The following SLC45A2 variants were observed in gnomAD, a reference collection of about 807,000 sequenced individuals.
SLC45A2 encodes membrane-associated transporter protein.
In SLC45A2, 36 loss-of-function variants were observed where a neutral mutation model predicts 45.5. The ratio of observed to expected loss-of-function variants is 0.79; its 90% CI spans 0.61 to 1.04. SLC45A2 has a LOEUF of 1.04. SLC45A2 is among the 50% of genes least tolerant of loss of function. SLC45A2 has a pLI of 0.00. For missense variants in SLC45A2, 719 were observed against 671.0 expected (o/e 1.07, Z -0.79); for synonymous variants, 306 against 269.3 (o/e 1.14, Z -1.33).
In SLC45A2 at chr5:33,944,649, T is replaced by G; in HGVS notation, c.1592A>C (p.Ter531SerextTer?). 2 of 1,614,014 alleles carry G rather than the reference T, an allele frequency of 1.2e-6. No individual in the cohort carries two copies. Among genetic ancestry groups the G allele is most frequent in the Non-Finnish European group, 1.7e-6 (2 of 1,179,880 alleles). The change falls in exon 7 of 7, where the codon TAG becomes TCG. Residue 531 changes from the stop codon to serine, a stop_lost. Coordinates refer to ENST00000296589, the MANE Select transcript of SLC45A2 (RefSeq NM_016180.5). Reference sequence around the variant, plus strand: ...TAGGGTCATTGTCTCTTTATTGACCTAATCCACATATCTAACAAAGAGAGC... The same window carrying G: ...TAGGGTCATTGTCTCTTTATTGACCGAATCCACATATCTAACAAAGAGAGC... ...FVALFVRYVD[*>S]
chr5:33,965,832 G>A (rs1441789311), intron 2 of SLC45A2, among the ~76,000 whole-genome samples: 2 of 152,152 alleles, frequency 1.3e-5, no homozygotes, highest in East Asian at 1.9e-4. Context: ...AACCCATTAC[G>A]ACAACCAAAA....
At chr5:33,981,166 C>T (rs1753061243) in intron 2 of SLC45A2, among the ~76,000 whole-genome samples, 1 of 152,208 alleles carries the variant, frequency 6.6e-6, no homozygotes, top group Admixed American at 6.5e-5. Context: ...GGGCCAGTGA[C>T]AGACGGGGCT....
At chr5:33,968,562 A>G (rs1453868203) in intron 2 of SLC45A2, among the ~76,000 whole-genome samples, 2 of 152,258 alleles carry the variant, frequency 1.3e-5, no homozygotes, top group African/African-American at 4.8e-5. Context: ...GTCATATTTC[A>G]TAACTAATGA....
At chr5:33,983,401 G>C (rs1469990196) in intron 1 of SLC45A2, among the ~76,000 whole-genome samples, 2 of 152,194 alleles carry the variant, frequency 1.3e-5, no homozygotes, top group Non-Finnish European at 2.9e-5. Flanking sequence ...CTGTCCTTCA[G>C]TAATCCTCCT....
intron 2 of SLC45A2, chr5:33,970,968 T>G (rs1337550378): frequency 2.1e-6 from 1 of 481,250 alleles, no homozygotes; most frequent in African/African-American, 2.0e-5. Flanking sequence ...TTCAAAGAAT[T>G]TACCAAACCG....
At chr5:33,964,061 G>C in intron 2 of SLC45A2, 45 bp from the exon 3 acceptor site, 1 of 1,592,178 alleles carries the variant, frequency 6.3e-7, no homozygotes, top group Non-Finnish European at 8.6e-7. Context: ...GCAAATTATC[G>C]TTCATTTTCC....
chr5:33,949,384 G>T (rs1360860313), intron 5 of SLC45A2, among the ~76,000 whole-genome samples: 1 of 152,152 alleles, frequency 6.6e-6, no homozygotes, highest in Admixed American at 6.5e-5. Context: ...ATTTAAGCTG[G>T]GTCTAAAAAT....
rs867742805 is a variant in SLC45A2, at chr5:33,944,691, A to G, written c.1550T>C (p.Ile517Thr). ...AAAGAGAGCGACAAAGCAACAGCCT[A>G]TCAGTGCCACCGCAGACGCTGTGAT... is the stretch of plus-strand genomic sequence containing the variant. Reference protein sequence around the residue: ...VVITASAVALIGCCFVALFVR... With the variant: ...VVITASAVALTGCCFVALFVR... The change falls in exon 7 of 7, where the codon ATA becomes ACA. Residue 517 changes from isoleucine to threonine, a missense_variant. Ile to Thr is a moderately conservative substitution (Grantham distance 89). Transcript: ENST00000296589. The G allele has an allele frequency of 1.6e-5, 26 of 1,614,124 alleles. No individual in the cohort carries two copies. The highest frequency in any genetic ancestry group is 1.8e-5 in the Non-Finnish European group (21 of 1,180,050).
At chr5:33,958,570 G>A (rs1579543088) in intron 3 of SLC45A2, among the ~76,000 whole-genome samples, 1 of 152,152 alleles carries the variant, frequency 6.6e-6, no homozygotes, top group South Asian at 2.1e-4. Context: ...TGACAAGTGT[G>A]CAGCGGCATG....
chr5:33,969,065 C>CTCTCTCTGTG, intron 2 of SLC45A2, among the ~76,000 whole-genome samples: 68 of 102,462 alleles, frequency 6.6e-4, no homozygotes, highest in Middle Eastern at 4.9e-3. Context: ...CTCTCTCTCT[C>CTCTCTCTGTG]TGTGTGTGTG....
At chr5:33,949,101 A>G (rs1479889084) in intron 5 of SLC45A2, among the ~76,000 whole-genome samples, 1 of 152,218 alleles carries the variant, frequency 6.6e-6, no homozygotes, top group Non-Finnish European at 1.5e-5. Context: ...CTTAGTACTC[A>G]GTGTTGTTGT....
At position 33,954,437 on chromosome 5, in the gene SLC45A2, T is replaced by C; in HGVS notation, c.956A>G (p.Tyr319Cys). The change falls in exon 4 of 7, where the codon TAC (tyrosine) becomes TGC (cysteine). Residue 319 changes from tyrosine to cysteine, a missense_variant. By Grantham distance (194) the Tyr-to-Cys change is radical (BLOSUM62 -2). Transcript: ENST00000296589. The stretch of plus-strand genomic sequence containing the variant: ...TCCAATGAGGTGGCTGATGCAAAGG[T>C]AGCGGTAGTGAGGAGGCATGTTCAC... Reference protein sequence around the residue: ...ALVNMPPHYRYLCISHLIGWT... With the variant: ...ALVNMPPHYRCLCISHLIGWT... The C allele has an allele frequency of 6.2e-7, 1 of 1,614,034 alleles. No homozygotes were observed. Among genetic ancestry groups the C allele is most frequent in the Non-Finnish European group, 8.5e-7 (1 of 1,179,972 alleles).
chr5:33,964,120 G>GC (rs1325044296), intron 2 of SLC45A2, 104 bp from the exon 3 acceptor site: 2 of 1,132,692 alleles, frequency 1.8e-6, no homozygotes, highest in African/African-American at 3.1e-5. Flanking sequence ...GAAGACAGCA[G>GC]AGGCAACCTG....
chr5:33,968,646 A>G (rs1203734623), intron 2 of SLC45A2, among the ~76,000 whole-genome samples: 4 of 142,714 alleles, frequency 2.8e-5, no homozygotes, highest in African/African-American at 5.3e-5. Flanking sequence ...TCTTTAGTCC[A>G]CAACTATGAC....
chr5:33,970,182 C>G (rs1268490580), intron 2 of SLC45A2, among the ~76,000 whole-genome samples: 4 of 152,182 alleles, frequency 2.6e-5, no homozygotes, highest in Non-Finnish European at 5.9e-5. Context: ...GCTGCAGTGA[C>G]CAAATCTAAG....
intron 4 of SLC45A2, among the ~76,000 whole-genome samples, chr5:33,952,228 A>T (rs2111918108): frequency 6.6e-6 from 1 of 152,250 alleles, no homozygotes; most frequent in Non-Finnish European, 1.5e-5. Flanking sequence ...CTGGCCTCAA[A>T]TGATTGCTCC....
intron 2 of SLC45A2, among the ~76,000 whole-genome samples, chr5:33,969,589 G>A (rs3756464): frequency 0.55 from 83,717 of 152,072 alleles, 25,815 homozygotes; most frequent in East Asian, 0.83. Flanking sequence ...TCAGAGTTCC[G>A]AAAGCCCTTA....
At chr5:33,945,058 T>G (rs955918079) in intron 6 of SLC45A2, among the ~76,000 whole-genome samples, 186 bp from the exon 7 acceptor site, 1 of 152,206 alleles carries the variant, frequency 6.6e-6, no homozygotes, top group African/African-American at 2.4e-5. Flanking sequence ...TGGAGCTGAG[T>G]TGGCTTTCCA....
rs2111901377 is a variant in SLC45A2, at chr5:33,947,244, G to A, written c.1287C>T (p.Ser429=). ...GGGTGCTGGACATTACACCAAACAG[G>A]CTGCACAGGACCAGGGTGGAGTAGA... The part of the protein sequence containing the change: ...PNVYSTLVLC[S]LFGVMSSTLY... Residue 429 remains serine (S), a synonymous_variant, in exon 6 of 7, where the codon AGC becomes AGT. Transcript: ENST00000296589. 4 of 1,614,154 alleles carry A rather than the reference G, an allele frequency of 2.5e-6. No individual in the cohort carries two copies. Among genetic ancestry groups the A allele is most frequent in the Non-Finnish European group, 3.4e-6 (4 of 1,180,026 alleles).
Sources: gnomAD v4.1 joint callset for allele counts (sites outside exome capture counted in the v4.1 genomes callset) on GRCh38, gnomAD v4.1.1 for gene constraint, MANE v1.5 for transcripts, NCBI Gene and HGNC (gene_info 2026-07-23, HGNC 2026-07-21) for gene names.